MTAP: variants seen among roughly 807,000 people sequenced by gnomAD.
The protein encoded by MTAP is methylthioadenosine phosphorylase.
A neutral mutation model predicts 33.6 loss-of-function variants in MTAP; 33 were observed. The observed-to-expected ratio is 0.98, with a 90% CI of 0.74 to 1.31. The LOEUF (loss-of-function observed/expected upper bound fraction) is 1.31, where lower values mean the gene tolerates loss of function less well. MTAP is among the 40% of genes most tolerant of loss of function. MTAP has a pLI of 0.00. For synonymous variants in MTAP, 148 were observed against 125.7 expected (o/e 1.18, Z -1.19); for missense variants, 367 against 360.0 (o/e 1.02, Z -0.16).
At chr9:21,822,322 A>G (rs1182879059) in intron 4 of MTAP, among the ~76,000 whole-genome samples, 2 of 152,102 alleles carry the variant, frequency 1.3e-5, no homozygotes, top group African/African-American at 2.4e-5. Flanking sequence ...AGATTCTGGT[A>G]TGTTGTGTAT....
chr9:21,893,848 G>A (rs1818238838), intron 1 of MTAP: 1 of 142,856 alleles, frequency 7.0e-6, no homozygotes, highest in East Asian at 2.1e-4. Flanking sequence ...CAATCCTACT[G>A]AAACTATTCA....
intron 4 of MTAP, among the ~76,000 whole-genome samples, chr9:21,821,967 G>A (rs916977136): frequency 4.6e-5 from 7 of 152,122 alleles, no homozygotes; most frequent in Admixed American, 1.3e-4. Context: ...TGTGGGATCG[G>A]TGGTGATATC....
At chr9:21,897,787 A>G (rs765961760) in intron 1 of MTAP, among the ~76,000 whole-genome samples, 6 of 152,132 alleles carry the variant, frequency 3.9e-5, no homozygotes, top group African/African-American at 7.3e-5. Flanking sequence ...AATCAATATC[A>G]TGAAAATGGC....
chr9:21,844,761 A>T (rs371721378), intron 5 of MTAP, among the ~76,000 whole-genome samples: 1 of 152,218 alleles, frequency 6.6e-6, no homozygotes, highest in African/African-American at 2.4e-5. Flanking sequence ...TGGGCTGGGC[A>T]CGGTGGCTCA....
intron 1 of MTAP, among the ~76,000 whole-genome samples, chr9:21,886,665 T>C (rs1049506657): frequency 6.6e-5 from 10 of 152,230 alleles, no homozygotes; most frequent in African/African-American, 2.2e-4. Flanking sequence ...GGCTTGCTAA[T>C]TATCCAGCAC....
chr9:21,940,196 C>T (rs1172812953), downstream of MTAP, among the ~76,000 whole-genome samples: 1 of 152,184 alleles, frequency 6.6e-6, no homozygotes. Context: ...ATGACAAGTC[C>T]TTGGCTTGCC....
chr9:21,806,496 G>C (rs1046377620), intron 1 of MTAP, among the ~76,000 whole-genome samples: 2 of 152,052 alleles, frequency 1.3e-5, no homozygotes, highest in Admixed American at 1.3e-4. Flanking sequence ...GGGATGCTGA[G>C]GGGCCTCTTT....
At chr9:21,885,900 G>T (rs1208935816) in intron 1 of MTAP, among the ~76,000 whole-genome samples, 1 of 151,626 alleles carries the variant, frequency 6.6e-6, no homozygotes, top group Non-Finnish European at 1.5e-5. Context: ...GTTGTGAATT[G>T]TCCTGCTATA....
chr9:21,825,370 T>C (rs1824766563), intron 4 of MTAP, among the ~76,000 whole-genome samples: 1 of 152,252 alleles, frequency 6.6e-6, no homozygotes, highest in African/African-American at 2.4e-5. Flanking sequence ...ACGTAAAATT[T>C]CATTTCCTTA....
At chr9:21,818,285 C>A (rs1292713307) in intron 4 of MTAP, 83 bp downstream of exon 4, 2 of 885,994 alleles carry the variant, frequency 2.3e-6, no homozygotes, top group South Asian at 1.5e-5. Flanking sequence ...ACCGGCAGGG[C>A]AACTGGGAGG....
At chr9:21,848,358 G>C (rs1467227892) in intron 5 of MTAP, among the ~76,000 whole-genome samples, 1 of 152,160 alleles carries the variant, frequency 6.6e-6, no homozygotes, top group Non-Finnish European at 1.5e-5. Flanking sequence ...AACAGGCATG[G>C]GAATGGATAC....
chr9:21,820,950 G>A (rs1008848046), intron 4 of MTAP, among the ~76,000 whole-genome samples: 4 of 152,208 alleles, frequency 2.6e-5, no homozygotes, highest in African/African-American at 9.7e-5. Context: ...GTATAAGAAT[G>A]CTTGTGATTT....
intron 1 of MTAP, among the ~76,000 whole-genome samples, chr9:21,919,690 G>T (rs1053435684): frequency 6.6e-6 from 1 of 152,168 alleles, no homozygotes; most frequent in African/African-American, 2.4e-5. Flanking sequence ...GACATAAAGT[G>T]GGTGAAATAC....
intron 4 of MTAP, among the ~76,000 whole-genome samples, chr9:21,823,834 C>T (rs1057031445): frequency 1.3e-5 from 2 of 152,148 alleles, no homozygotes; most frequent in Non-Finnish European, 2.9e-5. Context: ...TTTCTCTAAA[C>T]TTCTCGCTTC....
At chr9:21,841,859 C>A (rs1825255345) in intron 5 of MTAP, among the ~76,000 whole-genome samples, 1 of 152,182 alleles carries the variant, frequency 6.6e-6, no homozygotes, top group Admixed American at 6.5e-5. Flanking sequence ...GGTAATATGA[C>A]AAAATGGGGT....
chr9:21,896,174 C>T (rs946844912), intron 1 of MTAP, among the ~76,000 whole-genome samples: 5 of 152,016 alleles, frequency 3.3e-5, no homozygotes, highest in Admixed American at 2.6e-4. Flanking sequence ...GGGTCCATAA[C>T]GAAAGGAAGG....
At position 21,856,263 on chromosome 9, in the gene MTAP, G is replaced by A. The variant is rs576701708; in HGVS notation, c.690+1393G>A. 3.9e-5 allele frequency: 29 copies of A among 740,150 alleles called. No individual in the cohort carries two copies. In the African/African-American group the frequency reaches 4.4e-4, roughly 11 times the overall value. The allele number at this position is 740,150 out of a possible 1,614,324, so 45.8% of individuals were successfully genotyped here. A position where few individuals can be genotyped will look rare whatever the true frequency, so the allele number is the denominator to read the frequency against. Reference sequence around the variant, plus strand: ...CAAAGAGGCCTAATATTGTACCACCGTTTTAGAGAGTTTGTTTTACTATCT... The same window carrying A: ...CAAAGAGGCCTAATATTGTACCACCATTTTAGAGAGTTTGTTTTACTATCT... On this transcript the variant is annotated intron_variant, in intron 6 of 7. Transcript: ENST00000644715.
chr9:21,886,985 G>C (rs571049088), intron 1 of MTAP, among the ~76,000 whole-genome samples: 4 of 152,168 alleles, frequency 2.6e-5, no homozygotes, highest in African/African-American at 4.8e-5. Flanking sequence ...AATGATGGTG[G>C]TATATTGATA....
At chr9:21,899,821 C>T (rs955455646) in intron 1 of MTAP, among the ~76,000 whole-genome samples, 2 of 152,058 alleles carry the variant, frequency 1.3e-5, no homozygotes, top group Admixed American at 6.5e-5. Context: ...AGTACTGGTA[C>T]AAAAACAGAA....
Sources: gnomAD v4.1 joint callset for allele counts (sites outside exome capture counted in the v4.1 genomes callset) on GRCh38, gnomAD v4.1.1 for gene constraint, MANE v1.5 for transcripts, NCBI Gene and HGNC (gene_info 2026-07-23, HGNC 2026-07-21) for gene names.